The following UNC5B variants were observed in gnomAD, a reference collection of about 807,000 sequenced individuals.
UNC5B encodes unc-5 netrin receptor B, also known as netrin receptor UNC5B.
UNC5B carries 56 observed loss-of-function variants against 103.7 expected under a neutral mutation model. The ratio of observed to expected loss-of-function variants is 0.54; its 90% CI spans 0.44 to 0.67. UNC5B has a LOEUF of 0.67. Among genes scored for constraint, UNC5B ranks in the 30% least tolerant of loss-of-function variants. The probability of loss-of-function intolerance (pLI) is 0.00; values close to 1 mark genes in which losing one functional copy is unlikely to be tolerated. For synonymous variants in UNC5B, 577 were observed against 542.0 expected (o/e 1.06, Z -0.90); for missense variants, 1,194 against 1,284.5 (o/e 0.93, Z 1.08).
chr10:71,267,443 A>G (rs188040973), intron 1 of UNC5B, among the ~76,000 whole-genome samples: 29 of 152,294 alleles, frequency 1.9e-4, no homozygotes, highest in African/African-American at 6.7e-4. Flanking sequence ...TGAAAGAGCT[A>G]TGGAGTGATT....
At chr10:71,221,074 T>C (rs993488942) in intron 1 of UNC5B, among the ~76,000 whole-genome samples, 1 of 152,186 alleles carries the variant, frequency 6.6e-6, no homozygotes, top group African/African-American at 2.4e-5. Flanking sequence ...CCAGAACCAC[T>C]TGTGTTTACA....
intron 1 of UNC5B, among the ~76,000 whole-genome samples, chr10:71,255,604 A>G (rs1844272854): frequency 1.3e-5 from 2 of 152,230 alleles, no homozygotes; most frequent in African/African-American, 4.8e-5. Flanking sequence ...AATTAGCGCC[A>G]TCCATCCCCA....
intron 1 of UNC5B, among the ~76,000 whole-genome samples, chr10:71,275,923 T>C (rs951354399): frequency 5.9e-5 from 9 of 152,094 alleles, no homozygotes; most frequent in African/African-American, 1.2e-4. Context: ...GCTGGGATTG[T>C]GGCACTTGAG....
chr10:71,253,910 G>GGGACCC (rs1233179157), intron 1 of UNC5B, among the ~76,000 whole-genome samples: 2 of 152,146 alleles, frequency 1.3e-5, no homozygotes, highest in Non-Finnish European at 2.9e-5. Flanking sequence ...GAGGGTCCCA[G>GGGACCC]GGACCCCCTT....
At chr10:71,229,362 G>A (rs1012685640) in intron 1 of UNC5B, among the ~76,000 whole-genome samples, 2 of 152,194 alleles carry the variant, frequency 1.3e-5, no homozygotes, top group African/African-American at 4.8e-5. Flanking sequence ...AGGATGGTGG[G>A]GGCATGATTG....
At chr10:71,214,485 C>A (rs1386980369) in intron 1 of UNC5B, among the ~76,000 whole-genome samples, 1 of 152,102 alleles carries the variant, frequency 6.6e-6, no homozygotes, top group Non-Finnish European at 1.5e-5. Context: ...ATGGGGAAGG[C>A]AGGCTGCTGA....
chr10:71,293,686 G>A lies in UNC5B; in HGVS notation c.1942-14G>A. On this transcript the variant is annotated splice_polypyrimidine_tract_variant and intron_variant, in intron 12 of 16. Transcript: ENST00000335350. ...TAACTGTGACCACTACCCCACCCTT[G>A]CTGTCCCCTACAGGAGGTGGTGACC... The A allele has an allele frequency of 6.3e-7, 1 of 1,595,294 alleles. No individual in the cohort carries two copies.
chr10:71,293,967 G>C lies in UNC5B; in HGVS notation c.2175+34G>C. ...AGCTGCAGGTGCCCACACAGCCCTG[G>C]CCGGCCAGCTGCATGATCCCTGCCA... On this transcript the variant is annotated intron_variant, in intron 13 of 16. Transcript: ENST00000335350. 3 of 1,535,270 alleles carry C rather than the reference G, an allele frequency of 2.0e-6. No individual in the cohort carries two copies. The South Asian group carries it at 3.6e-5, about 19-fold the overall frequency.
At chr10:71,246,654 AGGAG>A (rs1316191193) in intron 1 of UNC5B, among the ~76,000 whole-genome samples, 1 of 152,168 alleles carries the variant, frequency 6.6e-6, no homozygotes, top group African/African-American at 2.4e-5. Flanking sequence ...ATGGAAGGAA[AGGAG>A]GAAGGATGAA....
At chr10:71,229,579 G>T (rs1052683161) in intron 1 of UNC5B, among the ~76,000 whole-genome samples, 2 of 152,170 alleles carry the variant, frequency 1.3e-5, no homozygotes, top group Non-Finnish European at 2.9e-5. Flanking sequence ...TTCCCATCAC[G>T]GCCCACTGGA....
At chr10:71,281,883 G>A (rs780644554) in intron 2 of UNC5B, among the ~76,000 whole-genome samples, 6 of 152,114 alleles carry the variant, frequency 3.9e-5, no homozygotes, top group East Asian at 3.9e-4. Flanking sequence ...TCCTCTTTCC[G>A]GGCTTTCCTT....
At chr10:71,220,775 A>G (rs980452751) in intron 1 of UNC5B, among the ~76,000 whole-genome samples, 2 of 152,164 alleles carry the variant, frequency 1.3e-5, no homozygotes, top group African/African-American at 4.8e-5. Context: ...GAGCCTAGCA[A>G]TGCATCATCA....
chr10:71,223,488 C>A (rs543162077), intron 1 of UNC5B, among the ~76,000 whole-genome samples: 1 of 152,266 alleles, frequency 6.6e-6, no homozygotes, highest in East Asian at 1.9e-4. Flanking sequence ...GTGTACCCAA[C>A]ATGGTGGAAG....
intron 1 of UNC5B, among the ~76,000 whole-genome samples, chr10:71,227,385 A>G (rs902126478): frequency 2.0e-5 from 3 of 152,018 alleles, no homozygotes; most frequent in Admixed American, 6.6e-5. Flanking sequence ...GCAAAAGCAT[A>G]AGAATGATAT....
Position 71,235,482 on chromosome 10 carries a change from G to A in UNC5B, c.79+22418G>A, listed in dbSNP as rs202135485. Among the ~76,000 whole-genome samples the A allele has an allele frequency of 1.6e-4, 25 of 152,374 alleles. No individual in the cohort carries two copies. The East Asian group carries it at 4.6e-3, about 28-fold the overall frequency. On this transcript the variant is annotated intron_variant, in intron 1 of 16. Transcript: ENST00000335350. ...GCCAGCGTGGGCTGGGATGGGGACA[G>A]AGGGTGGGGTTCCTTCCGTGGTCAG...
At chr10:71,226,140 T>G (rs1368935720) in intron 1 of UNC5B, among the ~76,000 whole-genome samples, 1 of 152,216 alleles carries the variant, frequency 6.6e-6, no homozygotes, top group African/African-American at 2.4e-5. Context: ...AGTGGCACCA[T>G]CTCGGCTCAC....
At chr10:71,239,140 A>G (rs1251938408) in intron 1 of UNC5B, among the ~76,000 whole-genome samples, 1 of 152,162 alleles carries the variant, frequency 6.6e-6, no homozygotes, top group East Asian at 1.9e-4. Flanking sequence ...CCAGTGACCC[A>G]GGGAAGACTG....
chr10:71,224,415 A>ACACACGCG (rs1354437814), intron 1 of UNC5B, among the ~76,000 whole-genome samples: 1 of 149,454 alleles, frequency 6.7e-6, no homozygotes, highest in African/African-American at 2.5e-5. Context: ...ACACACACAC[A>ACACACGCG]CGAAATGACA....
chr10:71,220,893 C>G (rs888106522), intron 1 of UNC5B, among the ~76,000 whole-genome samples: 1 of 152,132 alleles, frequency 6.6e-6, no homozygotes, highest in African/African-American at 2.4e-5. Flanking sequence ...GCTGTGAGAC[C>G]CTAGGCAAGT....
Sources: allele counts gnomAD v4.1 joint callset (sites outside exome capture counted in the v4.1 genomes callset), GRCh38; gene constraint gnomAD v4.1.1; transcripts MANE v1.5; gene names NCBI Gene and HGNC (gene_info 2026-07-23, HGNC 2026-07-21).